FBH1: variants seen among roughly 807,000 people sequenced by gnomAD.
FBH1 encodes the protein DNA 3'-5' helicase 1.
In FBH1, 43 loss-of-function variants were observed where a neutral mutation model predicts 115.5. The observed-to-expected ratio is 0.37, with a 90% CI of 0.29 to 0.48. The LOEUF (loss-of-function observed/expected upper bound fraction) is 0.48. Ranked by LOEUF, FBH1 falls within the 20% of genes least tolerant of loss-of-function variation. The pLI is 0.99. For synonymous variants in FBH1, 524 were observed against 507.8 expected (o/e 1.03, Z -0.43); for missense variants, 1,001 against 1,337.3 (o/e 0.75, Z 3.92).
Position 5,923,799 on chromosome 10 carries a change from A to G in FBH1, c.2398+103A>G. The G allele has an allele frequency of 9.3e-7, 1 of 1,070,632 alleles. No individual in the cohort carries two copies. The highest frequency in any genetic ancestry group is 1.4e-6 in the Non-Finnish European group (1 of 717,896). The allele number at this position is 1,070,632 out of a possible 1,614,324, so 66.3% of individuals were successfully genotyped here. A position where few individuals can be genotyped will look rare whatever the true frequency, so the allele number is the denominator to read the frequency against. On this transcript the variant is annotated intron_variant, in intron 16 of 20. Transcript: ENST00000362091. This position sits in a 1 kb window ranked among gnomAD's most constrained non-coding sequence, Gnocchi z 5.7. ...GAGTCAGGGACCCGTTTCCCTCCAG[A>G]GAAGGGCGAGCTAGTGTTGCTGTCT...
rs934345722 is a variant in FBH1, at chr10:5,921,092, T to C, written c.2101-166T>C. Reference sequence around the variant, plus strand: ...GAGAATAATGGAAAATAAAGACTGCTGAGTTGTGAAGGACCTTGAAAGTGA... The same window carrying C: ...GAGAATAATGGAAAATAAAGACTGCCGAGTTGTGAAGGACCTTGAAAGTGA... On this transcript the variant is annotated intron_variant, in intron 13 of 20. Transcript: ENST00000362091. This position sits in a 1 kb window ranked among gnomAD's most constrained non-coding sequence, Gnocchi z 6.4. Among the ~76,000 whole-genome samples the C allele has an allele frequency of 6.6e-6, 1 of 152,234 alleles. No individual in the cohort carries two copies. The highest frequency in any genetic ancestry group is 1.5e-5 in the Non-Finnish European group (1 of 68,042).
chr10:5,919,506 A>C (rs1054722901), intron 13 of FBH1, among the ~76,000 whole-genome samples: 2 of 152,206 alleles, frequency 1.3e-5, no homozygotes, highest in Non-Finnish European at 2.9e-5. Flanking sequence ...AGTTTTTAAT[A>C]GTTATTTTTA....
intron 3 of FBH1, among the ~76,000 whole-genome samples, chr10:5,908,018 C>T (rs1412926216): frequency 6.6e-6 from 1 of 152,186 alleles, no homozygotes; most frequent in Non-Finnish European, 1.5e-5. Flanking sequence ...TATGTTCGTT[C>T]AGCCCGCTTA....
chr10:5,928,193 C>G (rs1314635970), intron 19 of FBH1: 2 of 145,012 alleles, frequency 1.4e-5, no homozygotes, highest in African/African-American at 5.0e-5. Flanking sequence ...CTGTGTCACC[C>G]AGGCTGGAGT....
At position 5,906,075 on chromosome 10, in the gene FBH1, G is replaced by A. The variant is rs868865045; in HGVS notation, c.196G>A (p.Ala66Thr). The change falls in exon 3 of 21, where the codon GCA becomes ACA. Residue 66 changes from alanine (A) to threonine (T), a missense_variant. Ala to Thr is a moderately conservative substitution (Grantham distance 58, BLOSUM62 0). Around this residue, in one of 4 missense-constraint regions of FBH1, gnomAD observed 420 missense variants for 430.4 expected, o/e 0.98. Transcript: ENST00000362091. This position sits in a 1 kb window ranked among gnomAD's most constrained non-coding sequence, Gnocchi z 7.3. ...SQRCIPEFFL[A>T]GKQPCTNDMA... ...AAGATGCATCCCTGAGTTCTTCCTA[G>A]CAGGCAAGCAGCCGTGCACCAATGA... The A allele has an allele frequency of 6.2e-7, 1 of 1,611,920 alleles. No homozygotes were observed. The highest frequency in any genetic ancestry group is 8.5e-7 in the Non-Finnish European group (1 of 1,178,136).
chr10:5,898,109 A>G (rs1446373747), intron 1 of FBH1, among the ~76,000 whole-genome samples: 2 of 152,186 alleles, frequency 1.3e-5, no homozygotes, highest in African/African-American at 4.8e-5. Context: ...TGACCCACTC[A>G]GTATTCACAG....
Position 5,917,470 on chromosome 10 carries a change from G to A in FBH1, c.1839G>A (p.Gly613=), listed in dbSNP as rs1018670791. ...TCTGGGATAACATGCGGAAGCTGGGGGAGTGCACAGAAGAGGCGCACCAGA... is the reference window on the plus strand; with the variant it reads ...TCTGGGATAACATGCGGAAGCTGGGAGAGTGCACAGAAGAGGCGCACCAGA... ...SRLWDNMRKL[G]ECTEEAHQMT... The change falls in exon 11 of 21, where the codon GGG becomes GGA. Residue 613 remains glycine, a synonymous_variant. Transcript: ENST00000362091. The surrounding 1 kb of genome is among the most constrained non-coding windows in gnomAD (Gnocchi z 5.6). 6 of 1,614,088 alleles carry A rather than the reference G, an allele frequency of 3.7e-6. No homozygotes were observed. Among genetic ancestry groups the A allele is most frequent in the Non-Finnish European group, 4.2e-6 (5 of 1,180,044 alleles).
chr10:5,916,529 A>C, intron 10 of FBH1, 73 bp downstream of exon 10: 1 of 1,187,740 alleles, frequency 8.4e-7, no homozygotes, highest in Non-Finnish European at 1.1e-6. Flanking sequence ...GGATCTGAGG[A>C]TGGGGAAACA....
chr10:5,907,034 CT>C (rs1843736868), intron 3 of FBH1, among the ~76,000 whole-genome samples: 1 of 151,938 alleles, frequency 6.6e-6, no homozygotes, highest in Non-Finnish European at 1.5e-5. Context: ...ACGATCCTGA[CT>C]CACTGCAACC....
chr10:5,924,014 C>T lies in FBH1; in HGVS notation c.2399-297C>T, dbSNP rs777030223. The T allele has an allele frequency of 1.7e-4, 95 of 560,352 alleles. No individual in the cohort carries two copies. The highest frequency in any genetic ancestry group is 2.8e-4 in the Non-Finnish European group (89 of 315,240). The allele number at this position is 560,352 out of a possible 1,614,324, so 34.7% of individuals were successfully genotyped here. On this transcript the variant is annotated intron_variant, in intron 16 of 20. Transcript: ENST00000362091. The surrounding 1 kb of genome is among the most constrained non-coding windows in gnomAD (Gnocchi z 6.2). ...CCACGTGGGCCCCAAGTGATAGCGT[C>T]GAGCATTTCTATAGCGCTTTTCTTT...
Position 5,917,683 on chromosome 10 carries a change from C to G in FBH1, c.1963+7C>G. On this transcript the variant is annotated splice_region_variant and intron_variant, in intron 12 of 20. Coordinates refer to ENST00000362091, the MANE Select transcript of FBH1 (RefSeq NM_178150.3). The surrounding 1 kb of genome is among the most constrained non-coding windows in gnomAD (Gnocchi z 5.6). ...GCCCAGGACTGCACACCAGGTGATA[C>G]ACTGTTCAGGACATCAGTAGTGTCA... 6.2e-7 allele frequency: 1 copy of G among 1,610,550 alleles called. No individual in the cohort carries two copies. Among genetic ancestry groups the G allele is most frequent in the Non-Finnish European group, 8.5e-7 (1 of 1,177,246 alleles).
At chr10:5,899,966 C>T (rs1040636537) in intron 1 of FBH1, among the ~76,000 whole-genome samples, 3 of 152,172 alleles carry the variant, frequency 2.0e-5, no homozygotes, top group Non-Finnish European at 2.9e-5. Context: ...TTGTTTTCCT[C>T]TAAATAAACT....
In FBH1 at chr10:5,909,697, G is replaced by A. The variant is rs1036055190; in HGVS notation, c.1020+403G>A. ...GGTCTTGCTATAGTCACACAATGAG[G>A]TAATGAGAAGCTGGAAATAACCCTC... On this transcript the variant is annotated intron_variant, in intron 5 of 20. Coordinates refer to ENST00000362091, the MANE Select transcript of FBH1 (RefSeq NM_178150.3). This position sits in a 1 kb window ranked among gnomAD's most constrained non-coding sequence, Gnocchi z 4.4. Among the ~76,000 whole-genome samples, 19 of 152,312 alleles carry A rather than the reference G, an allele frequency of 1.2e-4. No homozygotes were observed. The highest frequency in any genetic ancestry group is 2.5e-4 in the Non-Finnish European group (17 of 68,026).
In FBH1 at chr10:5,937,205, G is replaced by C; in HGVS notation, c.3057G>C (p.Gln1019His). The change falls in exon 21 of 21, where the codon CAG becomes CAC. Residue 1019 changes from glutamine (Q) to histidine (H), a missense_variant. Around this residue, in one of 4 missense-constraint regions of FBH1, gnomAD observed 521 missense variants for 811.0 expected, o/e 0.64. Transcript: ENST00000362091. ...PLAFLTASPE[Q>H]VRAMERTVEN... Reference sequence around the variant, plus strand: ...CGTTCCTGACAGCCTCCCCGGAGCAGGTGCGCGCCATGGAGCGCACTGTGG... The same window carrying C: ...CGTTCCTGACAGCCTCCCCGGAGCACGTGCGCGCCATGGAGCGCACTGTGG... 6.2e-7 allele frequency: 1 copy of C among 1,614,046 alleles called. No homozygotes were observed. The highest frequency in any genetic ancestry group is 8.5e-7 in the Non-Finnish European group (1 of 1,179,968).
rs566607540 is a variant in FBH1 at position 5,906,651 on chromosome 10, C to A, written c.753+19C>A. On this transcript the variant is annotated intron_variant, in intron 3 of 20. Transcript: ENST00000362091. This position sits in a 1 kb window ranked among gnomAD's most constrained non-coding sequence, Gnocchi z 7.3. ...CCCGCTGGTGAGTGAGTGCTGGAGT[C>A]GGGAGATGTTTCCTCTAAAAGCACG... is the stretch of plus-strand genomic sequence containing the variant. The A allele has an allele frequency of 1.3e-5, 21 of 1,568,060 alleles. No individual in the cohort carries two copies. The highest frequency in any genetic ancestry group is 9.5e-5 in the African/African-American group (7 of 73,858).
In FBH1 at chr10:5,906,463, C is replaced by T; in HGVS notation, c.584C>T (p.Ser195Leu). ...GDVGPDPIPDSYYGLLGTLPC... is the reference protein window; with the variant it reads ...GDVGPDPIPDLYYGLLGTLPC... ...GTGGGTCCTGATCCCATTCCTGACT[C>T]ATACTATGGGCTTCTTGGGACCTTG... is the stretch of plus-strand genomic sequence containing the variant. Residue 195 changes from serine to leucine, a missense_variant, in exon 3 of 21, where the codon TCA becomes TTA. By Grantham distance (145) the Ser-to-Leu change is moderately radical. Transcript: ENST00000362091. This position sits in a 1 kb window ranked among gnomAD's most constrained non-coding sequence, Gnocchi z 7.3. 6.2e-7 allele frequency: 1 copy of T among 1,614,198 alleles called. No homozygotes were observed. The highest frequency in any genetic ancestry group is 8.5e-7 in the Non-Finnish European group (1 of 1,180,038).
chr10:5,928,509 C>A (rs776548979), intron 19 of FBH1: 1 of 152,196 alleles, frequency 6.6e-6, no homozygotes, highest in Non-Finnish European at 1.5e-5. Flanking sequence ...CAGCCTTCCT[C>A]CCTCTCACTC....
chr10:5,906,215 C>A lies in FBH1; in HGVS notation c.336C>A (p.Gly112=). The A allele has an allele frequency of 6.2e-7, 1 of 1,614,234 alleles. No individual in the cohort carries two copies. Among genetic ancestry groups the A allele is most frequent in the Non-Finnish European group, 8.5e-7 (1 of 1,180,044 alleles). Residue 112 remains glycine (G), a synonymous_variant, in exon 3 of 21, where the codon GGC becomes GGA. Transcript: ENST00000362091. The surrounding 1 kb of genome is among the most constrained non-coding windows in gnomAD (Gnocchi z 7.3). Reference sequence around the variant, plus strand: ...CTCAGGAAGGCAGTGCAGGGCCGGGCTCACCAGGGTCTGCCCCGCCCTCCA... The same window carrying A: ...CTCAGGAAGGCAGTGCAGGGCCGGGATCACCAGGGTCTGCCCCGCCCTCCA... ...ALPQEGSAGP[G]SPGSAPPSRK...
chr10:5,903,552 C>G (rs1003920956), intron 2 of FBH1, among the ~76,000 whole-genome samples: 3 of 152,006 alleles, frequency 2.0e-5, no homozygotes, highest in African/African-American at 7.3e-5. Context: ...TGGTCTCGAA[C>G]TCCTGACGTC....
Sources: allele counts gnomAD v4.1 joint callset (sites outside exome capture counted in the v4.1 genomes callset), GRCh38; gene constraint gnomAD v4.1.1; regional missense constraint gnomAD v4.1.1; non-coding constraint Gnocchi (gnomAD v3.1); transcripts MANE v1.5; gene names NCBI Gene and HGNC (gene_info 2026-07-23, HGNC 2026-07-21).